The following MICAL3 variants were observed in gnomAD, a reference collection of about 807,000 sequenced individuals.
MICAL3 encodes the protein microtubule associated monooxygenase, calponin and LIM domain containing 3, also known as [F-actin]-monooxygenase MICAL3.
In MICAL3, 62 loss-of-function variants were observed where a neutral mutation model predicts 207.4. That is an observed-to-expected ratio of 0.30 (90% CI 0.24 to 0.37). The LOEUF is 0.37. Among genes scored for constraint, MICAL3 ranks in the 10% least tolerant of loss-of-function variants. The probability of loss-of-function intolerance (pLI) is 1.00; values close to 1 mark genes in which losing one functional copy is unlikely to be tolerated. For missense variants in MICAL3, 2,368 were observed against 2,635.6 expected, an observed-to-expected ratio of 0.90 and a Z score of 2.22; for synonymous variants, 1,077 against 1,069.3, an observed-to-expected ratio of 1.01 and a Z score of -0.14.
In MICAL3 at chr22:17,800,673, T is replaced by C. The variant is rs1434401800; in HGVS notation, c.5650+8171A>G. On this transcript the variant is annotated intron_variant, in intron 29 of 31. Transcript: ENST00000441493. ...GCATTCCCAATGCTCCGAGGGCTGC[T>C]TGGAGCTTTGCTCTGCCCATGGGAG... is the stretch of plus-strand genomic sequence containing the variant. Among the ~76,000 whole-genome samples the C allele has an allele frequency of 2.0e-5, 3 of 152,152 alleles. No individual in the cohort carries two copies. The South Asian group carries it at 6.2e-4, about 32-fold the overall frequency.
At chr22:17,839,855 A>T (rs988414524) in intron 20 of MICAL3, 1 of 150,932 alleles carries the variant, frequency 6.6e-6, no homozygotes, top group African/African-American at 2.4e-5. Context: ...GGCGTGAGCC[A>T]CCGCACCCGG....
At chr22:17,962,215 G>C (rs1450488979) in intron 1 of MICAL3, among the ~76,000 whole-genome samples, 5 of 152,086 alleles carry the variant, frequency 3.3e-5, no homozygotes, top group Non-Finnish European at 5.9e-5. Context: ...TGGAACTCAA[G>C]GGGAAAACTA....
chr22:17,966,897 A>T (rs536335719), intron 1 of MICAL3, among the ~76,000 whole-genome samples: 63 of 152,346 alleles, frequency 4.1e-4, no homozygotes, highest in African/African-American at 1.5e-3. Context: ...TGTAAGAACT[A>T]GACAAAGGAA....
At chr22:17,973,747 G>A (rs965824847) in intron 1 of MICAL3, among the ~76,000 whole-genome samples, 8 of 152,080 alleles carry the variant, frequency 5.3e-5, no homozygotes, top group African/African-American at 1.4e-4. Context: ...TGGGCAACAC[G>A]GTGAGACGCC....
chr22:17,882,234 G>A (rs1318007234), intron 16 of MICAL3, among the ~76,000 whole-genome samples: 2 of 152,222 alleles, frequency 1.3e-5, no homozygotes, highest in Non-Finnish European at 2.9e-5. Context: ...TACAAAGTAA[G>A]GAAATAAAGA....
rs540635928 is a variant in MICAL3, at chr22:17,891,367, G to A, written c.1694+118C>T. 8.6e-5 allele frequency: 72 copies of A among 842,008 alleles called. No individual in the cohort carries two copies. The African/African-American group carries it at 1.2e-3, about 14-fold the overall frequency. The allele number at this position is 842,008 out of a possible 1,614,324, so 52.2% of individuals were successfully genotyped here. On this transcript the variant is annotated intron_variant, in intron 12 of 31. Coordinates refer to ENST00000441493, the MANE Select transcript of MICAL3 (RefSeq NM_015241.3). ...GTGAAATCAAAATCACTGCCTTCTA[G>A]AGAAAGTATCTTACTATGTACCTCA...
chr22:17,920,301 T>C (rs1932770027), intron 1 of MICAL3, among the ~76,000 whole-genome samples: 1 of 152,182 alleles, frequency 6.6e-6, no homozygotes, highest in Non-Finnish European at 1.5e-5. Flanking sequence ...TACTGCCTTC[T>C]ACAATACCCC....
At position 17,791,004 on chromosome 22, in the gene MICAL3, C is replaced by T. The variant is rs1325519033; in HGVS notation, c.5818G>A (p.Val1940Met). Residue 1940 changes from valine to methionine, a missense_variant, in exon 31 of 32, where the codon GTG becomes ATG. Val to Met is a conservative substitution (Grantham distance 21). Coordinates refer to ENST00000441493, the MANE Select transcript of MICAL3 (RefSeq NM_015241.3). The part of the protein sequence containing the change: ...LQQELRERMA[V>M]EDHLKTEEEL... Reference sequence around the variant, plus strand: ...GGTGCCTTACCCCACTCACCTTCCACTGCCATGCGTTCCCGGAGCTCCTGC... The same window carrying T: ...GGTGCCTTACCCCACTCACCTTCCATTGCCATGCGTTCCCGGAGCTCCTGC... 6.2e-7 allele frequency: 1 copy of T among 1,612,464 alleles called. No homozygotes were observed. Among genetic ancestry groups the T allele is most frequent in the African/African-American group, 1.3e-5 (1 of 74,830 alleles).
chr22:17,886,944 T>C (rs5747390), intron 15 of MICAL3, among the ~76,000 whole-genome samples: 52,301 of 134,902 alleles, frequency 0.39, 10,176 homozygotes, highest in Admixed American at 0.51. Flanking sequence ...GCCCAGATCG[T>C]GCCACTATAC....
chr22:18,019,958 G>A (rs1355588432), intron 1 of MICAL3, among the ~76,000 whole-genome samples: 1 of 151,112 alleles, frequency 6.6e-6, no homozygotes, highest in Non-Finnish European at 1.5e-5. Context: ...GACTACAGGT[G>A]CCCGCCACCT....
intron 21 of MICAL3, among the ~76,000 whole-genome samples, chr22:17,830,277 C>A (rs1475460679): frequency 1.3e-5 from 2 of 152,122 alleles, no homozygotes; most frequent in Admixed American, 1.3e-4. Flanking sequence ...GTCGGCTGCC[C>A]GACAGACACA....
chr22:17,861,411 T>C lies in MICAL3; in HGVS notation c.2605+3488A>G, dbSNP rs1400129426. 4.1e-6 allele frequency: 4 copies of C among 985,370 alleles called. No homozygotes were observed. The African/African-American group carries it at 7.0e-5, about 17-fold the overall frequency. The allele number at this position is 985,370 out of a possible 1,614,324, so 61.0% of individuals were successfully genotyped here. On this transcript the variant is annotated intron_variant, in intron 19 of 31. Transcript: ENST00000441493. Reference sequence around the variant, plus strand: ...ACTAACGTGCTTCTCCCCGTCCATCTCTGGCCGGTAATGAACCCGGTGATG... The same window carrying C: ...ACTAACGTGCTTCTCCCCGTCCATCCCTGGCCGGTAATGAACCCGGTGATG...
At chr22:17,882,019 T>C (rs1929482818) in intron 16 of MICAL3, among the ~76,000 whole-genome samples, 1 of 152,112 alleles carries the variant, frequency 6.6e-6, no homozygotes, top group Non-Finnish European at 1.5e-5. Context: ...CTCATCTCCC[T>C]GTGCCCAGGT....
chr22:17,864,626 C>T (rs749978680), intron 19 of MICAL3: 46 of 1,562,416 alleles, frequency 2.9e-5, no homozygotes, highest in Non-Finnish European at 3.7e-5. Context: ...CAGCACTTCA[C>T]GGCTCTGCCG....
chr22:17,822,027 C>T lies in MICAL3; in HGVS notation c.3448+3G>A. ...TTGTTTCTCCCATCAAAGACAGGCT[C>T]ACCTCTCTCTTGGTGCTTCGGTGAG... On this transcript the variant is annotated splice_donor_region_variant and intron_variant, in intron 24 of 31. Transcript: ENST00000441493. 2 of 1,613,490 alleles carry T rather than the reference C, an allele frequency of 1.2e-6. No homozygotes were observed. The highest frequency in any genetic ancestry group is 1.7e-6 in the Non-Finnish European group (2 of 1,179,680).
At chr22:17,804,415 G>A (rs528097661) in intron 29 of MICAL3, among the ~76,000 whole-genome samples, 27 of 152,348 alleles carry the variant, frequency 1.8e-4, no homozygotes, top group South Asian at 6.2e-4. Flanking sequence ...CACTTTTGCC[G>A]AATGGGTTTG....
At chr22:17,934,613 T>C (rs1389787919) in intron 1 of MICAL3, among the ~76,000 whole-genome samples, 1 of 152,124 alleles carries the variant, frequency 6.6e-6, no homozygotes, top group African/African-American at 2.4e-5. Flanking sequence ...GACAGGGCAA[T>C]CAGGCAAGAG....
In MICAL3 at chr22:17,796,395, T is replaced by G. The variant is rs541393085; in HGVS notation, c.5651-5094A>C. ...GAGCAGCGCATGAGATGGGCACGGA[T>G]GGCACTCTCCGGCTTCAGGGCGCCC... On this transcript the variant is annotated intron_variant, in intron 29 of 31. Coordinates refer to ENST00000441493, the MANE Select transcript of MICAL3 (RefSeq NM_015241.3). This position sits in a 1 kb window ranked among gnomAD's most constrained non-coding sequence, Gnocchi z 4.4. Among the ~76,000 whole-genome samples the G allele has an allele frequency of 6.6e-6, 1 of 152,222 alleles. No individual in the cohort carries two copies. The highest frequency in any genetic ancestry group is 1.5e-5 in the Non-Finnish European group (1 of 68,042).
At chr22:17,807,515 G>C (rs1211057082) in intron 29 of MICAL3, among the ~76,000 whole-genome samples, 1 of 152,232 alleles carries the variant, frequency 6.6e-6, no homozygotes, top group Non-Finnish European at 1.5e-5. Flanking sequence ...TGCATTAACA[G>C]CATCAGGTGA....
Sources: gnomAD v4.1 joint callset for allele counts (sites outside exome capture counted in the v4.1 genomes callset) on GRCh38, gnomAD v4.1.1 for gene constraint, Gnocchi (gnomAD v3.1) non-coding constraint, MANE v1.5 for transcripts, NCBI Gene and HGNC (gene_info 2026-07-23, HGNC 2026-07-21) for gene names.